Variants in FAF1 observed in about 807,000 individuals in gnomAD.
The protein encoded by FAF1 is Fas associated factor 1.
A neutral mutation model predicts 92.5 loss-of-function variants in FAF1; 25 were observed. The ratio of observed to expected loss-of-function variants is 0.27; its 90% CI spans 0.20 to 0.38. The LOEUF is 0.38. Among genes scored for constraint, FAF1 ranks in the 10% least tolerant of loss-of-function variants. The pLI, the probability that FAF1 is intolerant of heterozygous loss-of-function variation, is 1.00. For synonymous variants in FAF1, 234 were observed against 273.2 expected (o/e 0.86, Z 1.42); for missense variants, 636 against 793.3 (o/e 0.80, Z 2.38).
At chr1:50,529,099 CAA>C (rs1284087397) in intron 15 of FAF1, among the ~76,000 whole-genome samples, 1 of 152,128 alleles carries the variant, frequency 6.6e-6, no homozygotes, top group African/African-American at 2.4e-5. Context: ...TTGACTGTGT[CAA>C]GAGTTGACAC....
In FAF1 at chr1:50,495,914, C is replaced by T. The variant is rs1199604675; in HGVS notation, c.1495-4113G>A. ...GGTTTTTCCCCACTGTGGCACACTA[C>T]GTAGTTCAGCATAGTCCTCTATCTC... On this transcript the variant is annotated intron_variant, in intron 15 of 18. Coordinates refer to ENST00000396153, the MANE Select transcript of FAF1 (RefSeq NM_007051.3). Among the ~76,000 whole-genome samples, 11 of 152,144 alleles carry T rather than the reference C, an allele frequency of 7.2e-5. 1 individual carries two copies. The South Asian group carries it at 8.3e-4, about 11-fold the overall frequency.
rs1245989074 is a variant in FAF1, at chr1:50,490,460, GAAAA to G, written c.1653+124_1653+127del. 37 of 530,210 alleles carry G rather than the reference GAAAA, an allele frequency of 7.0e-5. 2 individuals are homozygous for G. The highest frequency in any genetic ancestry group is 4.3e-4 in the South Asian group (22 of 50,620). The allele number at this position is 530,210 out of a possible 1,614,324, so 32.8% of individuals were successfully genotyped here. ...GGAAGGAAGGAAGGAAGGAAGGAAG[GAAAA>G]AGAAAGAAGGAAGGAAGGAAGGAAG... On this transcript the variant is annotated intron_variant, in intron 17 of 18. Coordinates refer to ENST00000396153, the MANE Select transcript of FAF1 (RefSeq NM_007051.3).
At chr1:50,470,829 T>C (rs928917487) in intron 18 of FAF1, 4 of 152,240 alleles carry the variant, frequency 2.6e-5, no homozygotes, top group African/African-American at 9.6e-5. Flanking sequence ...CACTGAACCA[T>C]TTACTTCTGA....
intron 1 of FAF1, among the ~76,000 whole-genome samples, chr1:50,942,280 C>A (rs1388866619): frequency 6.6e-6 from 1 of 152,176 alleles, no homozygotes; most frequent in South Asian, 2.1e-4. Flanking sequence ...GTGGGCAGAT[C>A]GCTTGAGCCC....
intron 2 of FAF1, among the ~76,000 whole-genome samples, chr1:50,813,046 A>C (rs963316441): frequency 1.3e-5 from 2 of 152,182 alleles, no homozygotes; most frequent in Non-Finnish European, 2.9e-5. Flanking sequence ...GAAGGGAGCA[A>C]CAGACACTGG....
intron 15 of FAF1, among the ~76,000 whole-genome samples, chr1:50,525,735 TTTAA>T (rs1372497050): frequency 1.3e-5 from 2 of 152,214 alleles, no homozygotes; most frequent in Admixed American, 1.3e-4. Flanking sequence ...TTTTTTCCTA[TTTAA>T]TTGTGTGTTT....
At chr1:50,691,359 C>T (rs1486562792) in intron 7 of FAF1, among the ~76,000 whole-genome samples, 2 of 151,720 alleles carry the variant, frequency 1.3e-5, no homozygotes, top group African/African-American at 4.8e-5. Context: ...TCTCATGCCT[C>T]AGCCTCCCCA....
chr1:50,520,496 C>T (rs996462251), intron 15 of FAF1, among the ~76,000 whole-genome samples: 8 of 152,286 alleles, frequency 5.3e-5, no homozygotes, highest in Non-Finnish European at 4.4e-5. Context: ...TTGCAATCAT[C>T]TCTCCTTTTA....
chr1:50,510,431 T>C (rs1490160568), intron 15 of FAF1, among the ~76,000 whole-genome samples: 1 of 152,062 alleles, frequency 6.6e-6, no homozygotes, highest in African/African-American at 2.4e-5. Context: ...CATTTTTCTA[T>C]AGGTAAAATG....
intron 7 of FAF1, among the ~76,000 whole-genome samples, chr1:50,700,459 T>C (rs893943203): frequency 6.6e-6 from 1 of 152,148 alleles, no homozygotes; most frequent in Non-Finnish European, 1.5e-5. Context: ...TGCCTTTGAA[T>C]AGAATGAAGC....
intron 1 of FAF1, among the ~76,000 whole-genome samples, chr1:50,864,697 G>T (rs987847273): frequency 8.5e-5 from 13 of 152,088 alleles, no homozygotes; most frequent in African/African-American, 2.9e-4. Flanking sequence ...ATTCAAGATG[G>T]ATTAAAGACT....
rs1283633577 is a variant in FAF1 at position 50,649,162 on chromosome 1, T to C, written c.744+6280A>G. ...ATTTTATGTATTTATTCATTTTAATTTTTTTTTTTTTAGACAGAGTTTTGC... is the reference window on the plus strand; with the variant it reads ...ATTTTATGTATTTATTCATTTTAATCTTTTTTTTTTTAGACAGAGTTTTGC... On this transcript the variant is annotated intron_variant, in intron 8 of 18. Coordinates refer to ENST00000396153, the MANE Select transcript of FAF1 (RefSeq NM_007051.3). Among the ~76,000 whole-genome samples the C allele has an allele frequency of 6.5e-4, 97 of 148,708 alleles. 2 individuals are homozygous for C. The highest frequency in any genetic ancestry group is 1.0e-4 in the Non-Finnish European group (7 of 66,686).
chr1:50,457,424 G>A (rs956252295), intron 18 of FAF1, among the ~76,000 whole-genome samples: 26 of 152,110 alleles, frequency 1.7e-4, no homozygotes, highest in East Asian at 1.9e-4. Flanking sequence ...GTTAATCTGC[G>A]CACATACACA....
chr1:50,692,672 T>C (rs1656992729), intron 7 of FAF1, among the ~76,000 whole-genome samples: 1 of 152,236 alleles, frequency 6.6e-6, no homozygotes, highest in Non-Finnish European at 1.5e-5. Context: ...ATGATCTCTA[T>C]CCATGTATTC....
intron 7 of FAF1, among the ~76,000 whole-genome samples, chr1:50,681,655 G>A (rs1435841769): frequency 6.6e-6 from 1 of 150,726 alleles, no homozygotes; most frequent in Non-Finnish European, 1.5e-5. Context: ...TTACAGGCAT[G>A]TGCCAGCCTG....
At chr1:50,918,224 G>A (rs1644935686) in intron 1 of FAF1, among the ~76,000 whole-genome samples, 1 of 140,310 alleles carries the variant, frequency 7.1e-6, no homozygotes, top group Non-Finnish European at 1.5e-5. Flanking sequence ...TAAGTTTTAG[G>A]GTACATGTGC....
chr1:50,899,279 A>C (rs747837587), intron 1 of FAF1, among the ~76,000 whole-genome samples: 1 of 152,184 alleles, frequency 6.6e-6, no homozygotes, highest in Non-Finnish European at 1.5e-5. Flanking sequence ...CTACTGTCTT[A>C]AACATATGAA....
chr1:50,950,770 C>T (rs1010948812), intron 1 of FAF1, among the ~76,000 whole-genome samples: 1 of 152,228 alleles, frequency 6.6e-6, no homozygotes, highest in African/African-American at 2.4e-5. Context: ...TCTCTTCCTT[C>T]CTTCCTTCCT....
Position 50,869,123 on chromosome 1 carries a change from G to A in FAF1, c.46-11126C>T, listed in dbSNP as rs576011658. On this transcript the variant is annotated intron_variant, in intron 1 of 18. Coordinates refer to ENST00000396153, the MANE Select transcript of FAF1 (RefSeq NM_007051.3). ...GAAAAATTGATTCTCCCGCGATTATGTTTCTTTTATCTTTGGTAATATGCC... is the reference window on the plus strand; with the variant it reads ...GAAAAATTGATTCTCCCGCGATTATATTTCTTTTATCTTTGGTAATATGCC... Among the ~76,000 whole-genome samples, 3 of 152,116 alleles carry A rather than the reference G, an allele frequency of 2.0e-5. No individual in the cohort carries two copies. The South Asian group carries it at 6.2e-4, about 32-fold the overall frequency.
Sources: allele counts gnomAD v4.1 joint callset (sites outside exome capture counted in the v4.1 genomes callset), GRCh38; gene constraint gnomAD v4.1.1; transcripts MANE v1.5; gene names NCBI Gene and HGNC (gene_info 2026-07-23, HGNC 2026-07-21).